The following GPC5 variants were observed in gnomAD, a reference collection of about 807,000 sequenced individuals.
GPC5 encodes the protein glypican 5, also known as glypican-5.
In GPC5, 47 loss-of-function variants were observed where a neutral mutation model predicts 53.9. The ratio of observed to expected loss-of-function variants is 0.87; its 90% CI spans 0.69 to 1.11. The LOEUF (loss-of-function observed/expected upper bound fraction) is 1.11. Ranked by LOEUF, GPC5 falls within the 50% of genes most tolerant of loss-of-function variation. The pLI is 0.00. For synonymous variants in GPC5, 286 were observed against 263.3 expected (o/e 1.09, Z -0.84); for missense variants, 748 against 713.1 (o/e 1.05, Z -0.56).
intron 7 of GPC5, among the ~76,000 whole-genome samples, chr13:92,388,172 A>G (rs1169786466): frequency 1.3e-5 from 2 of 151,988 alleles, no homozygotes; most frequent in Non-Finnish European, 2.9e-5. Flanking sequence ...TAAAATTCTC[A>G]CATTAAAGGT....
chr13:92,754,316 G>C lies in GPC5; in HGVS notation c.1562-111966G>C, dbSNP rs538504746. On this transcript the variant is annotated intron_variant, in intron 7 of 7. Transcript: ENST00000377067. ...TCACCACCAGGCCTGCCCTAAAAGA[G>C]CTCCTGAAGGAAGCGCTAAACATGG... 9.2e-5 allele frequency among the ~76,000 whole-genome samples: 14 copies of C among 152,232 alleles called. No homozygotes were observed. In the South Asian group the frequency reaches 1.0e-3, roughly 11 times the overall value.
In GPC5 at chr13:91,512,948, A is replaced by G. The variant is rs190078309; in HGVS notation, c.325+64026A>G. Among the ~76,000 whole-genome samples, 514 of 152,030 alleles carry G rather than the reference A, an allele frequency of 3.4e-3. 4 individuals are homozygous for G. Among genetic ancestry groups the G allele is most frequent in the Non-Finnish European group, 5.6e-3 (381 of 67,880 alleles). ...AAAGTTTTTCTTGATAACTTTTTAC[A>G]TCTTAACCAGATACAGGTCTCATAT... On this transcript the variant is annotated intron_variant, in intron 2 of 7. Coordinates refer to ENST00000377067, the MANE Select transcript of GPC5 (RefSeq NM_004466.6).
intron 7 of GPC5, among the ~76,000 whole-genome samples, chr13:92,548,148 A>T (rs1423959772): frequency 6.6e-6 from 1 of 151,826 alleles, no homozygotes; most frequent in Non-Finnish European, 1.5e-5. Flanking sequence ...CATGGCTATT[A>T]TTCTTTTAAA....
Position 91,979,074 on chromosome 13 carries a change from T to C in GPC5, c.1401+71017T>C, listed in dbSNP as rs143085682. 5.5e-3 allele frequency among the ~76,000 whole-genome samples: 838 copies of C among 152,236 alleles called. 15 individuals are homozygous for C. Among genetic ancestry groups the C allele is most frequent in the African/African-American group, 0.019 (807 of 41,540 alleles). ...AGAGAGGAATAGACTTGGGTGAGGGTGGAGATTAACAGATTAATTCTAATG... is the reference window on the plus strand; with the variant it reads ...AGAGAGGAATAGACTTGGGTGAGGGCGGAGATTAACAGATTAATTCTAATG... On this transcript the variant is annotated intron_variant, in intron 6 of 7. Coordinates refer to ENST00000377067, the MANE Select transcript of GPC5 (RefSeq NM_004466.6).
At chr13:92,685,546 T>TTTTTTTTTTTTAAA (rs1555302901) in intron 7 of GPC5, among the ~76,000 whole-genome samples, 4 of 93,688 alleles carry the variant, frequency 4.3e-5, no homozygotes, top group East Asian at 5.9e-4. Context: ...TTATGCTCAT[T>TTTTTTTTTTTTAAA]TTTTTTTTTT....
rs143764129 is a variant in GPC5 at position 92,792,725 on chromosome 13, G to C, written c.1562-73557G>C. Among the ~76,000 whole-genome samples, 14 of 152,022 alleles carry C rather than the reference G, an allele frequency of 9.2e-5. No homozygotes were observed. The East Asian group carries it at 2.7e-3, about 29-fold the overall frequency. ...GCAAATGGAAAGCAAAAAAAGCAGG[G>C]GTTGCAATCCTAGTCTCTGTTAAAA... is the stretch of plus-strand genomic sequence containing the variant. On this transcript the variant is annotated intron_variant, in intron 7 of 7. Coordinates refer to ENST00000377067, the MANE Select transcript of GPC5 (RefSeq NM_004466.6).
intron 5 of GPC5, among the ~76,000 whole-genome samples, chr13:91,889,353 T>C (rs1219010233): frequency 6.6e-6 from 1 of 152,198 alleles, no homozygotes; most frequent in African/African-American, 2.4e-5. Flanking sequence ...TTTAACTTAA[T>C]TGTTCTTATA....
chr13:92,224,766 C>T (rs530230948), intron 7 of GPC5, among the ~76,000 whole-genome samples: 34 of 152,294 alleles, frequency 2.2e-4, no homozygotes, highest in Non-Finnish European at 3.5e-4. Flanking sequence ...TGTCCAAATT[C>T]GAGTGCTGGA....
intron 2 of GPC5, among the ~76,000 whole-genome samples, chr13:91,677,808 T>C (rs2035417752): frequency 6.6e-6 from 1 of 152,220 alleles, no homozygotes; most frequent in Admixed American, 6.5e-5. Context: ...ACCTTTGTTT[T>C]TAAATATATA....
At chr13:92,133,327 G>C (rs1229445696) in intron 6 of GPC5, among the ~76,000 whole-genome samples, 1 of 152,172 alleles carries the variant, frequency 6.6e-6, no homozygotes, top group South Asian at 2.1e-4. Flanking sequence ...TGGCGTACAC[G>C]AGGGTGTCGT....
chr13:92,684,494 C>T (rs1190690906), intron 7 of GPC5, among the ~76,000 whole-genome samples: 1 of 152,086 alleles, frequency 6.6e-6, no homozygotes, highest in Non-Finnish European at 1.5e-5. Context: ...AGGTCTCGAA[C>T]TCCTGACCTC....
chr13:92,514,270 G>C (rs1880687811), intron 7 of GPC5, among the ~76,000 whole-genome samples: 1 of 151,804 alleles, frequency 6.6e-6, no homozygotes, highest in South Asian at 2.1e-4. Flanking sequence ...TCATGTCAGG[G>C]ATAACATTCT....
At chr13:92,722,218 T>C (rs773403495) in intron 7 of GPC5, among the ~76,000 whole-genome samples, 12 of 152,014 alleles carry the variant, frequency 7.9e-5, no homozygotes, top group Non-Finnish European at 1.6e-4. Context: ...AATATGATTA[T>C]AAAGTGCATG....
chr13:91,918,949 G>A (rs985252839), intron 6 of GPC5, among the ~76,000 whole-genome samples: 1 of 152,000 alleles, frequency 6.6e-6, no homozygotes, highest in Non-Finnish European at 1.5e-5. Flanking sequence ...CTTCCAAGAT[G>A]TTTCTTCTGA....
At chr13:91,534,873 G>T (rs375873352) in intron 2 of GPC5, among the ~76,000 whole-genome samples, 1 of 152,042 alleles carries the variant, frequency 6.6e-6, no homozygotes, top group Middle Eastern at 3.2e-3. Context: ...TCTAGACTTC[G>T]ACAGCCATAT....
At chr13:92,591,800 A>G (rs1206129843) in intron 7 of GPC5, among the ~76,000 whole-genome samples, 1 of 151,944 alleles carries the variant, frequency 6.6e-6, no homozygotes, top group Non-Finnish European at 1.5e-5. Flanking sequence ...CTCTACTTCT[A>G]TGAGATCAAC....
At chr13:92,656,627 C>G (rs1022445733) in intron 7 of GPC5, among the ~76,000 whole-genome samples, 1 of 152,178 alleles carries the variant, frequency 6.6e-6, no homozygotes, top group African/African-American at 2.4e-5. Context: ...AATGAATTAG[C>G]CTACTTCTAT....
intron 5 of GPC5, among the ~76,000 whole-genome samples, chr13:91,842,947 C>T (rs1012139052): frequency 6.6e-6 from 1 of 151,964 alleles, no homozygotes; most frequent in African/African-American, 2.4e-5. Flanking sequence ...TATGAATTGT[C>T]TTTTTTGTTA....
chr13:92,065,581 T>C (rs138542731), intron 6 of GPC5, among the ~76,000 whole-genome samples: 12 of 152,186 alleles, frequency 7.9e-5, no homozygotes, highest in African/African-American at 2.9e-4. Flanking sequence ...TATGTTCTTA[T>C]CATTCTGTGT....
Sources: allele counts gnomAD v4.1 joint callset (sites outside exome capture counted in the v4.1 genomes callset), GRCh38; gene constraint gnomAD v4.1.1; transcripts MANE v1.5; gene names NCBI Gene and HGNC (gene_info 2026-07-23, HGNC 2026-07-21).